Variants in ROBO2 observed in about 807,000 individuals in gnomAD.
ROBO2 encodes the protein roundabout homolog 2.
ROBO2 carries 53 observed loss-of-function variants against 160.8 expected under a neutral mutation model. The ratio of observed to expected loss-of-function variants is 0.33; its 90% confidence interval spans 0.26 to 0.41. ROBO2 has a LOEUF of 0.41. Among genes scored for constraint, ROBO2 ranks in the 10% least tolerant of loss-of-function variants. The pLI, the probability that ROBO2 is intolerant of heterozygous loss-of-function variation, is 1.00. For synonymous variants in ROBO2, 664 were observed against 611.7 expected, an observed-to-expected ratio of 1.09 and a Z score of -1.26; for missense variants, 1,577 against 1,722.4, an observed-to-expected ratio of 0.92 and a Z score of 1.49.
intron 2 of ROBO2, among the ~76,000 whole-genome samples, chr3:76,949,195 A>G (rs966319953): frequency 1.3e-5 from 2 of 151,962 alleles, no homozygotes; most frequent in East Asian, 1.9e-4. Flanking sequence ...TGAAGCTCTT[A>G]AAGAGTTAAT....
intron 2 of ROBO2, among the ~76,000 whole-genome samples, chr3:76,172,951 C>A (rs747110222): frequency 2.6e-5 from 4 of 151,744 alleles, no homozygotes; most frequent in Non-Finnish European, 5.9e-5. Flanking sequence ...AAGCTTCAAG[C>A]AAAGGTAGGA....
intron 2 of ROBO2, among the ~76,000 whole-genome samples, chr3:77,463,123 T>C (rs1355430625): frequency 6.6e-6 from 1 of 152,198 alleles, no homozygotes; most frequent in East Asian, 1.9e-4. Context: ...TAAAGTGTGC[T>C]ATATAGAGAC....
Position 76,124,685 on chromosome 3 carries a change from A to G in ROBO2, c.109+187083A>G, listed in dbSNP as rs1218115194. Among the ~76,000 whole-genome samples the G allele has an allele frequency of 4.6e-5, 7 of 152,260 alleles. No individual in the cohort carries two copies. The East Asian group carries it at 1.2e-3, about 25-fold the overall frequency. On this transcript the variant is annotated intron_variant, in intron 2 of 26. Coordinates refer to the ROBO2 transcript ENST00000487694. ...TAATAAGATAATTCATGGTAATTCA[A>G]TAAAGTTACAATGAACTTCTCAAAT...
chr3:76,218,475 C>A (rs1163434357), intron 2 of ROBO2, among the ~76,000 whole-genome samples: 3 of 152,150 alleles, frequency 2.0e-5, no homozygotes, highest in East Asian at 1.9e-4. Flanking sequence ...TCTCAGGATA[C>A]AAAATCAGTG....
At chr3:77,103,700 T>C (rs2072375729) in intron 2 of ROBO2, among the ~76,000 whole-genome samples, 3 of 152,212 alleles carry the variant, frequency 2.0e-5, no homozygotes, top group Admixed American at 2.0e-4. Context: ...TCTTGCATTA[T>C]TTATAGGGTT....
At chr3:76,383,367 T>C (rs1221527675) in intron 2 of ROBO2, among the ~76,000 whole-genome samples, 5 of 152,198 alleles carry the variant, frequency 3.3e-5, no homozygotes, top group Non-Finnish European at 1.5e-5. Context: ...ATGAGATACA[T>C]AAATCAAAAC....
intron 2 of ROBO2, among the ~76,000 whole-genome samples, chr3:77,470,617 A>T (rs543976471): frequency 6.6e-6 from 1 of 152,332 alleles, no homozygotes; most frequent in Non-Finnish European, 1.5e-5. Flanking sequence ...AAATAGATTA[A>T]AAGTGTCATT....
At chr3:76,102,452 A>G (rs1438270008) in intron 2 of ROBO2, among the ~76,000 whole-genome samples, 1 of 152,226 alleles carries the variant, frequency 6.6e-6, no homozygotes, top group Non-Finnish European at 1.5e-5. Flanking sequence ...GATAAAATCA[A>G]TATTTAACAG....
intron 1 of ROBO2, among the ~76,000 whole-genome samples, chr3:77,051,975 C>T (rs1188052580): frequency 6.6e-6 from 1 of 152,232 alleles, no homozygotes; most frequent in Admixed American, 6.5e-5. Flanking sequence ...TTAGCATTTA[C>T]TGAACCCTTT....
chr3:77,256,740 G>A (rs9876344), intron 2 of ROBO2, among the ~76,000 whole-genome samples: 75,496 of 152,030 alleles, frequency 0.5, 19,985 homozygotes, highest in Middle Eastern at 0.7. Flanking sequence ...ATGAAACCAA[G>A]GCTCTCGAGG....
chr3:77,558,200 C>T (rs767656474), intron 9 of ROBO2, 51 bp downstream of exon 10: 2 of 1,476,670 alleles, frequency 1.4e-6, no homozygotes, highest in Non-Finnish European at 1.9e-6. Context: ...ATAAGTACTG[C>T]TCTATGGAAA....
chr3:76,160,469 A>T (rs1218892669), intron 2 of ROBO2, among the ~76,000 whole-genome samples: 1 of 152,130 alleles, frequency 6.6e-6, no homozygotes, highest in African/African-American at 2.4e-5. Context: ...GGTCATCCCC[A>T]TTAGGACATG....
chr3:77,579,590 A>G (rs1055295300), intron 15 of ROBO2, among the ~76,000 whole-genome samples: 66 of 152,324 alleles, frequency 4.3e-4, no homozygotes, highest in African/African-American at 1.3e-3. Flanking sequence ...GTTTTAATCC[A>G]TACAAAAATG....
chr3:76,838,921 A>C (rs1238239044), intron 2 of ROBO2, among the ~76,000 whole-genome samples: 1 of 152,188 alleles, frequency 6.6e-6, no homozygotes, highest in East Asian at 1.9e-4. Flanking sequence ...TGAAACTTGT[A>C]GACAATGACT....
chr3:77,564,315 T>C (rs578192339), intron 11 of ROBO2: 1 of 339,856 alleles, frequency 2.9e-6, no homozygotes, highest in South Asian at 2.3e-5. Flanking sequence ...TGGCTGTAAA[T>C]GGGTCCTCAC....
At chr3:76,526,279 G>T (rs1560094122) in intron 2 of ROBO2, among the ~76,000 whole-genome samples, 1 of 152,016 alleles carries the variant, frequency 6.6e-6, no homozygotes, top group Non-Finnish European at 1.5e-5. Flanking sequence ...AGGCCATACT[G>T]AATAACCTTA....
chr3:76,660,105 A>T (rs1258833711), intron 2 of ROBO2, among the ~76,000 whole-genome samples: 3 of 142,646 alleles, frequency 2.1e-5, no homozygotes, highest in Non-Finnish European at 3.1e-5. Flanking sequence ...TTCATAACAA[A>T]GTTTTATGGC....
At chr3:77,293,573 G>T (rs866100805) in intron 2 of ROBO2, among the ~76,000 whole-genome samples, 451 of 77,634 alleles carry the variant, frequency 5.8e-3, no homozygotes, top group South Asian at 0.011. Flanking sequence ...AAATTGACGG[G>T]TAAACGGGTA....
chr3:76,777,609 T>G (rs1443639041), intron 2 of ROBO2, among the ~76,000 whole-genome samples: 1 of 150,972 alleles, frequency 6.6e-6, no homozygotes, highest in Non-Finnish European at 1.5e-5. Flanking sequence ...AGTAGTTATT[T>G]GTCCTACATT....
Sources: gnomAD v4.1 joint callset for allele counts (sites outside exome capture counted in the v4.1 genomes callset) on GRCh38, gnomAD v4.1.1 for gene constraint, MANE v1.5 for transcripts, NCBI Gene and HGNC (gene_info 2026-07-23, HGNC 2026-07-21) for gene names.